Variants in THSD7B observed in about 807,000 individuals in gnomAD.
The protein encoded by THSD7B is thrombospondin type 1 domain containing 7B.
In THSD7B, 138 loss-of-function variants were observed where a neutral mutation model predicts 213.6. That is an observed-to-expected ratio of 0.65 (90% CI 0.56 to 0.74). The LOEUF (loss-of-function observed/expected upper bound fraction) is 0.74. Among genes scored for constraint, THSD7B ranks in the 30% least tolerant of loss-of-function variants. The probability of loss-of-function intolerance (pLI) is 0.00; values close to 1 mark genes in which losing one functional copy is unlikely to be tolerated. For missense variants in THSD7B, 1,931 were observed against 1,991.5 expected (o/e 0.97, Z 0.58); for synonymous variants, 742 against 687.0 (o/e 1.08, Z -1.25).
intron 12 of THSD7B, among the ~76,000 whole-genome samples, chr2:137,395,821 A>G (rs1433896976): frequency 6.7e-6 from 1 of 150,018 alleles, no homozygotes; most frequent in Non-Finnish European, 1.5e-5. Flanking sequence ...TAAACTATTG[A>G]TTATTGCCAC....
chr2:137,112,129 C>T (rs900735038), intron 4 of THSD7B, among the ~76,000 whole-genome samples: 1 of 152,038 alleles, frequency 6.6e-6, no homozygotes, highest in African/African-American at 2.4e-5. Flanking sequence ...ATTTGTTATT[C>T]TGTCAGATCC....
intron 12 of THSD7B, among the ~76,000 whole-genome samples, chr2:137,404,527 AATAT>A (rs1246883985): frequency 2.2e-4 from 30 of 136,930 alleles, no homozygotes; most frequent in Admixed American, 3.9e-4. Flanking sequence ...ATACACACAC[AATAT>A]ATATATACAC....
chr2:137,336,396 C>A (rs534664488), intron 12 of THSD7B, among the ~76,000 whole-genome samples: 1 of 152,244 alleles, frequency 6.6e-6, no homozygotes. Context: ...ACTCCTCATG[C>A]AATATATTGT....
intron 12 of THSD7B, among the ~76,000 whole-genome samples, chr2:137,307,279 A>T (rs76291353): frequency 0.056 from 8,447 of 152,130 alleles, 329 homozygotes; most frequent in East Asian, 0.099. Context: ...TACTAGTAGA[A>T]CTGTGAGAGG....
At chr2:137,380,719 A>G (rs1026515675) in intron 12 of THSD7B, among the ~76,000 whole-genome samples, 1 of 152,238 alleles carries the variant, frequency 6.6e-6, no homozygotes, top group Non-Finnish European at 1.5e-5. Context: ...TGGTGTAAGG[A>G]AAGTGCATGT....
At chr2:137,082,877 A>G (rs1687772801) in intron 3 of THSD7B, among the ~76,000 whole-genome samples, 2 of 152,080 alleles carry the variant, frequency 1.3e-5, no homozygotes, top group South Asian at 4.1e-4. Context: ...ATTGATCATA[A>G]TACTAAAAAC....
intron 12 of THSD7B, among the ~76,000 whole-genome samples, chr2:137,379,796 C>G (rs1339313986): frequency 6.6e-6 from 1 of 152,166 alleles, no homozygotes; most frequent in Non-Finnish European, 1.5e-5. Flanking sequence ...TGACCTGTCT[C>G]TATGCCTGGA....
chr2:137,092,920 A>C (rs180790622), intron 3 of THSD7B, among the ~76,000 whole-genome samples: 2 of 152,150 alleles, frequency 1.3e-5, no homozygotes, highest in African/African-American at 2.4e-5. Flanking sequence ...TTATAGGCGT[A>C]AGCCACTACA....
At chr2:137,008,683 C>T (rs1017438051) in intron 2 of THSD7B, among the ~76,000 whole-genome samples, 4 of 151,978 alleles carry the variant, frequency 2.6e-5, no homozygotes, top group Non-Finnish European at 4.4e-5. Context: ...TATAGATACT[C>T]TTATATTTGC....
At chr2:137,229,726 G>A (rs1212931242) in intron 7 of THSD7B, among the ~76,000 whole-genome samples, 2 of 152,118 alleles carry the variant, frequency 1.3e-5, no homozygotes, top group African/African-American at 2.4e-5. Flanking sequence ...TCAGGCCCGT[G>A]TAAGCATGAG....
chr2:137,484,355 C>G (rs1324495783), intron 15 of THSD7B, among the ~76,000 whole-genome samples: 2 of 138,434 alleles, frequency 1.4e-5, no homozygotes, highest in African/African-American at 5.4e-5. Flanking sequence ...TGAACTCATC[C>G]TTTTTTATGG....
intron 17 of THSD7B, among the ~76,000 whole-genome samples, chr2:137,613,845 C>T (rs1682331532): frequency 6.6e-6 from 1 of 152,012 alleles, no homozygotes; most frequent in African/African-American, 2.4e-5. Flanking sequence ...GTGGATAATT[C>T]ATTATTTTAT....
In THSD7B at chr2:136,833,451, A is replaced by G. The variant is rs1409216396; in HGVS notation, c.-35-48693A>G. On this transcript the variant is annotated intron_variant, in intron 1 of 27. Transcript: ENST00000409968. ...ATTTTCTATTTTTTTTTTTTTTGCA[A>G]TTAACTGTTTGGTACTTTTAATGAC... Among the ~76,000 whole-genome samples the G allele has an allele frequency of 5.2e-4, 14 of 26,690 alleles. No individual in the cohort carries two copies. The Admixed American group carries it at 5.4e-3, about 10-fold the overall frequency. The allele number at this position is 26,690 out of a possible 152,430, so 17.5% of individuals were successfully genotyped here.
chr2:137,606,973 A>ACAGTT (rs1167622712), intron 17 of THSD7B, among the ~76,000 whole-genome samples: 1 of 152,116 alleles, frequency 6.6e-6, no homozygotes, highest in Non-Finnish European at 1.5e-5. Context: ...TGAGGAAACC[A>ACAGTT]CAGTTCACAA....
chr2:136,968,504 T>G (rs543331365), intron 2 of THSD7B, among the ~76,000 whole-genome samples: 13 of 152,230 alleles, frequency 8.5e-5, no homozygotes, highest in African/African-American at 3.1e-4. Flanking sequence ...TTGTATATTC[T>G]TGGGATGACT....
intron 4 of THSD7B, among the ~76,000 whole-genome samples, chr2:137,105,163 G>C (rs1045892011): frequency 9.9e-5 from 15 of 152,094 alleles, no homozygotes; most frequent in African/African-American, 3.1e-4. Flanking sequence ...CCTCAATAAA[G>C]TACTGGCAAA....
chr2:137,516,482 C>T (rs1680071628), intron 15 of THSD7B, among the ~76,000 whole-genome samples: 1 of 152,192 alleles, frequency 6.6e-6, no homozygotes, highest in South Asian at 2.1e-4. Context: ...GGTAACTGCA[C>T]TGGGGAAAGG....
chr2:136,908,436 G>C (rs377088650), intron 2 of THSD7B, among the ~76,000 whole-genome samples: 13 of 152,154 alleles, frequency 8.5e-5, no homozygotes, highest in Non-Finnish European at 1.8e-4. Flanking sequence ...ATTGGAATTT[G>C]AACTAGAATA....
At chr2:136,929,634 A>G (rs919954507) in intron 2 of THSD7B, among the ~76,000 whole-genome samples, 3 of 152,178 alleles carry the variant, frequency 2.0e-5, no homozygotes, top group African/African-American at 7.2e-5. Context: ...ATTTTGTCTT[A>G]TCAGCTTGAT....
Sources: allele counts gnomAD v4.1 joint callset (sites outside exome capture counted in the v4.1 genomes callset), GRCh38; gene constraint gnomAD v4.1.1; transcripts MANE v1.5; gene names NCBI Gene and HGNC (gene_info 2026-07-23, HGNC 2026-07-21).